The following FRY variants were observed in gnomAD, a reference collection of about 807,000 sequenced individuals.
The protein encoded by FRY is FRY microtubule binding protein.
Under a neutral mutation model 348.4 loss-of-function variants are expected in FRY, and 128 were observed. The observed-to-expected ratio is 0.37, with a 90% CI of 0.32 to 0.43. FRY has a LOEUF of 0.43. Among genes scored for constraint, FRY ranks in the 20% least tolerant of loss-of-function variants. The pLI is 1.00. For missense variants in FRY, 2,736 were observed against 3,695.2 expected (o/e 0.74, Z 6.73); for synonymous variants, 1,370 against 1,374.7 (o/e 1.00, Z 0.08).
chr13:32,045,225 CT>C (rs896086502), intron 1 of FRY, among the ~76,000 whole-genome samples: 1 of 152,182 alleles, frequency 6.6e-6, no homozygotes, highest in Non-Finnish European at 1.5e-5. Flanking sequence ...AGAAACTAGA[CT>C]TTTTTTCAAC....
chr13:32,247,773 G>A lies in FRY; in HGVS notation c.7008+271G>A, dbSNP rs374465533. Among the ~76,000 whole-genome samples, 323 of 152,260 alleles carry A rather than the reference G, an allele frequency of 2.1e-3. 1 individual carries two copies. Among genetic ancestry groups the A allele is most frequent in the African/African-American group, 7.3e-3 (302 of 41,548 alleles). On this transcript the variant is annotated intron_variant, in intron 48 of 60. Transcript: ENST00000542859. ...GTATTTAAAAATGGAACGATCATAAGCATTTTAAACCATGACCTTCACTCA... is the reference window on the plus strand; with the variant it reads ...GTATTTAAAAATGGAACGATCATAAACATTTTAAACCATGACCTTCACTCA...
chr13:32,224,474 C>A (rs1169060232), intron 37 of FRY, 89 bp downstream of exon 37: 3 of 1,179,170 alleles, frequency 2.5e-6, no homozygotes, highest in Non-Finnish European at 3.6e-6. Flanking sequence ...CAGGTCCCAC[C>A]ACATTAAATT....
At chr13:32,094,016 C>G (rs1035165718) in intron 2 of FRY, among the ~76,000 whole-genome samples, 1 of 152,158 alleles carries the variant, frequency 6.6e-6, no homozygotes, top group Non-Finnish European at 1.5e-5. Flanking sequence ...TTTGAGCTTC[C>G]TTTGCCATAA....
At position 32,282,896 on chromosome 13, in the gene FRY, A is replaced by G. The variant is rs541297900; in HGVS notation, c.8469+4348A>G. On this transcript the variant is annotated intron_variant, in intron 58 of 60. Coordinates refer to ENST00000542859, the MANE Select transcript of FRY (RefSeq NM_023037.3). Reference sequence around the variant, plus strand: ...GGTGGCTCACGCCTGTAATCCCAGCACTTTGGGAGCGTGAGGCAGGTGGAT... The same window carrying G: ...GGTGGCTCACGCCTGTAATCCCAGCGCTTTGGGAGCGTGAGGCAGGTGGAT... Among the ~76,000 whole-genome samples, 3 of 152,256 alleles carry G rather than the reference A, an allele frequency of 2.0e-5. No individual in the cohort carries two copies. The South Asian group carries it at 6.2e-4, about 32-fold the overall frequency.
intron 1 of FRY, among the ~76,000 whole-genome samples, chr13:32,037,348 TTC>T (rs1323394657): frequency 6.6e-6 from 1 of 152,202 alleles, no homozygotes; most frequent in African/African-American, 2.4e-5. Flanking sequence ...TTGCTGAGCG[TTC>T]TCTGATATAT....
At chr13:32,044,246 G>A (rs988657874) in intron 1 of FRY, among the ~76,000 whole-genome samples, 4 of 152,250 alleles carry the variant, frequency 2.6e-5, no homozygotes, top group South Asian at 4.1e-4. Context: ...TCCATTTCAT[G>A]TGGAAATAAC....
At chr13:32,223,124 T>C (rs747499013) in intron 36 of FRY, among the ~76,000 whole-genome samples, 1 of 151,964 alleles carries the variant, frequency 6.6e-6, no homozygotes, top group Non-Finnish European at 1.5e-5. Flanking sequence ...CCCTAGCTAA[T>C]TTTTTGTATT....
chr13:32,283,829 G>A (rs983778488), intron 58 of FRY, among the ~76,000 whole-genome samples: 3 of 152,188 alleles, frequency 2.0e-5, no homozygotes, highest in Non-Finnish European at 4.4e-5. Context: ...TGTTTTCTCA[G>A]CCTGCACACA....
intron 36 of FRY, among the ~76,000 whole-genome samples, chr13:32,221,986 G>A (rs1885339955): frequency 6.6e-6 from 1 of 152,160 alleles, no homozygotes; most frequent in Non-Finnish European, 1.5e-5. Flanking sequence ...GGTGGTGCTG[G>A]TGAATTGGTG....
chr13:32,220,391 C>T (rs1356712560), intron 36 of FRY, among the ~76,000 whole-genome samples: 1 of 152,150 alleles, frequency 6.6e-6, no homozygotes, highest in Non-Finnish European at 1.5e-5. Flanking sequence ...CAGCTATGTC[C>T]CTATAAAACC....
chr13:32,266,814 T>C (rs1017839131), intron 54 of FRY, among the ~76,000 whole-genome samples: 1 of 152,058 alleles, frequency 6.6e-6, no homozygotes, highest in Non-Finnish European at 1.5e-5. Context: ...TGAAATACTG[T>C]CTCTACTAAA....
chr13:32,033,790 G>A (rs1872365761), intron 1 of FRY, among the ~76,000 whole-genome samples: 1 of 152,192 alleles, frequency 6.6e-6, no homozygotes, highest in Non-Finnish European at 1.5e-5. Flanking sequence ...TTTTGAGGGG[G>A]AGAATGTTTT....
intron 28 of FRY, among the ~76,000 whole-genome samples, chr13:32,188,234 G>C (rs530407454): frequency 6.6e-6 from 1 of 151,984 alleles, no homozygotes; most frequent in Non-Finnish European, 1.5e-5. Flanking sequence ...GACATTTTTC[G>C]AAGTCTTTGC....
intron 10 of FRY, among the ~76,000 whole-genome samples, chr13:32,136,387 T>A (rs545213265): frequency 3.3e-5 from 5 of 152,356 alleles, no homozygotes; most frequent in African/African-American, 1.2e-4. Context: ...CTTTTAGGAA[T>A]CTTCCTTAAT....
At chr13:32,085,756 G>A (rs538284707) in intron 2 of FRY, 245 of 411,218 alleles carry the variant, frequency 6.0e-4, no homozygotes, top group Non-Finnish European at 1.1e-3. Context: ...TTGTGTTCAC[G>A]CAAACATAAT....
rs776770795 is a variant in FRY at position 32,228,611 on chromosome 13, A to G, written c.5362A>G (p.Thr1788Ala). ...EVEDVDTAAE[T>A]DEKANKLIEF... ...AGAAGATGTGGACACAGCTGCTGAA[A>G]CAGATGAGAAGGCAAACAAGCTCAT... Residue 1788 changes from threonine to alanine, a missense_variant, in exon 40 of 61, where the codon ACA becomes GCA. Around this residue, in one of 9 missense-constraint regions of FRY, gnomAD observed 794 missense variants for 977.0 expected, o/e 0.81. Transcript: ENST00000542859. 6.2e-7 allele frequency: 1 copy of G among 1,614,142 alleles called. No individual in the cohort carries two copies. The highest frequency in any genetic ancestry group is 1.1e-5 in the South Asian group (1 of 91,078).
At chr13:32,241,254 G>T (rs1445440308) in intron 46 of FRY, among the ~76,000 whole-genome samples, 1 of 151,678 alleles carries the variant, frequency 6.6e-6, no homozygotes, top group African/African-American at 2.4e-5. Context: ...ACATTTGTCT[G>T]GCTCAGTAAC....
intron 1 of FRY, among the ~76,000 whole-genome samples, chr13:32,061,546 TAGA>T (rs1172862174): frequency 1.3e-5 from 2 of 152,234 alleles, no homozygotes; most frequent in Non-Finnish European, 2.9e-5. Flanking sequence ...AATATTATAG[TAGA>T]AGTAGGATTT....
chr13:32,049,462 C>T (rs1017254952), intron 1 of FRY, among the ~76,000 whole-genome samples: 8 of 148,306 alleles, frequency 5.4e-5, no homozygotes, highest in Non-Finnish European at 1.0e-4. Flanking sequence ...TTTTTTGGGA[C>T]GGAGTCTTGC....
Sources: gnomAD v4.1 joint callset for allele counts (sites outside exome capture counted in the v4.1 genomes callset) on GRCh38, gnomAD v4.1.1 for gene constraint, gnomAD v4.1.1 regional missense constraint, MANE v1.5 for transcripts, NCBI Gene and HGNC (gene_info 2026-07-23, HGNC 2026-07-21) for gene names.